The following GAK variants were observed in gnomAD, a reference collection of about 807,000 sequenced individuals.
GAK encodes cyclin-G-associated kinase.
GAK carries 79 observed loss-of-function variants against 143.9 expected under a neutral mutation model. That is an observed-to-expected ratio of 0.55 (90% CI 0.46 to 0.66). The LOEUF (loss-of-function observed/expected upper bound fraction) is 0.66, where lower values mean the gene tolerates loss of function less well. Among genes scored for constraint, GAK ranks in the 30% least tolerant of loss-of-function variants. GAK has a pLI of 0.00. For synonymous variants in GAK, 881 were observed against 765.5 expected, an observed-to-expected ratio of 1.15 and a Z score of -2.49; for missense variants, 1,693 against 1,779.7, an observed-to-expected ratio of 0.95 and a Z score of 0.88.
At chr4:919,849 C>A (rs1723642793) in intron 1 of GAK, among the ~76,000 whole-genome samples, 1 of 152,230 alleles carries the variant, frequency 6.6e-6, no homozygotes, top group African/African-American at 2.4e-5. Flanking sequence ...CTAAGTGGTG[C>A]CTGACCAAAA....
At chr4:915,975 A>G (rs561689884) in intron 1 of GAK, among the ~76,000 whole-genome samples, 1 of 152,344 alleles carries the variant, frequency 6.6e-6, no homozygotes, top group Non-Finnish European at 1.5e-5. Context: ...GAAATCTACT[A>G]AAGAAAAGCT....
chr4:889,612 T>G (rs1478592561), intron 10 of GAK, among the ~76,000 whole-genome samples: 2 of 152,196 alleles, frequency 1.3e-5, no homozygotes, highest in African/African-American at 4.8e-5. Context: ...GGACCCACAC[T>G]GCACGGACCG....
intron 4 of GAK, among the ~76,000 whole-genome samples, chr4:911,118 C>T (rs924799289): frequency 6.6e-6 from 1 of 152,146 alleles, no homozygotes; most frequent in Non-Finnish European, 1.5e-5. Context: ...ACCATGGAGT[C>T]GTTGTGCCAT....
At chr4:859,759 T>C in intron 23 of GAK, 37 bp from the exon 24 acceptor site, 1 of 1,457,064 alleles carries the variant, frequency 6.9e-7, no homozygotes, top group African/African-American at 1.4e-5. Flanking sequence ...ACAAGCACCA[T>C]CTGAAGCGAA....
At position 849,628 on chromosome 4, in the gene GAK, C is replaced by T. The variant is rs1747697018; in HGVS notation, c.*45G>A. 1.3e-6 allele frequency: 2 copies of T among 1,503,408 alleles called. No homozygotes were observed. 93.1% of individuals were successfully genotyped at this position (1,503,408 alleles called of 1,614,324 possible). On this transcript the variant is annotated 3_prime_UTR_variant, in exon 28 of 28. Coordinates refer to ENST00000314167, the MANE Select transcript of GAK (RefSeq NM_005255.4). ...GGTGGGGACCCAGGTCCCACGACGG[C>T]TCCCAACCTGTGGAGCTGTGTGCGC... is the stretch of plus-strand genomic sequence containing the variant.
rs891967216 is a variant in GAK, at chr4:912,915, C to T, written c.208-121G>A. The T allele has an allele frequency of 1.4e-5, 10 of 694,764 alleles. No individual in the cohort carries two copies. In the Admixed American group the frequency reaches 2.6e-4, roughly 18 times the overall value. The allele number at this position is 694,764 out of a possible 1,614,324, so 43.0% of individuals were successfully genotyped here. A position where few individuals can be genotyped will look rare whatever the true frequency, so the allele number is the denominator to read the frequency against. On this transcript the variant is annotated intron_variant, in intron 2 of 27. Transcript: ENST00000314167. ...ATGCAATGTGTCTAATACAGCTCCCCCCGTTTCGTGTGTCTCCACCTCTGA... is the reference window on the plus strand; with the variant it reads ...ATGCAATGTGTCTAATACAGCTCCCTCCGTTTCGTGTGTCTCCACCTCTGA...
At chr4:887,092 C>T (rs536733811) in intron 11 of GAK, 5 of 152,092 alleles carry the variant, frequency 3.3e-5, no homozygotes, top group African/African-American at 1.2e-4. Context: ...CACACAGGCG[C>T]TCGCACAGCA....
At chr4:911,889 T>C (rs141993448) in intron 3 of GAK, 102 bp from the exon 4 acceptor site, 9,582 of 899,630 alleles carry the variant, frequency 0.011, 56 homozygotes, top group Non-Finnish European at 0.014. Context: ...GTCAGAATAC[T>C]TGAATCGAAC....
chr4:926,289 C>T (rs1472318537), intron 1 of GAK, among the ~76,000 whole-genome samples: 1 of 152,192 alleles, frequency 6.6e-6, no homozygotes, highest in Non-Finnish European at 1.5e-5. Flanking sequence ...GGGTCAGCCG[C>T]AGCTGAGCAT....
Position 886,874 on chromosome 4 carries a change from G to T in GAK, c.1205+1973C>A, listed in dbSNP as rs543674210. The T allele has an allele frequency of 3.9e-4, 59 of 152,382 alleles. 1 individual carries two copies. Among genetic ancestry groups the T allele is most frequent in the African/African-American group, 1.2e-3 (48 of 41,560 alleles). 9.4% of individuals were successfully genotyped at this position (152,382 alleles called of 1,614,324 possible). A position where few individuals can be genotyped will look rare whatever the true frequency, so the allele number is the denominator to read the frequency against. On this transcript the variant is annotated intron_variant, in intron 11 of 27. Transcript: ENST00000314167. ...GAGGAGGTGCCCAGAGGTGCGAGTG[G>T]GCTCACGTCCTGCTCTGGGGATATG...
rs1001216149 is a variant in GAK at position 913,524 on chromosome 4, G to C, written c.207+83C>G. ...TAAAAGGAAACAAAGTACGTAACAG[G>C]GACGCATCCCTGAAAAGACTGTCAC... On this transcript the variant is annotated intron_variant, in intron 2 of 27. Coordinates refer to ENST00000314167, the MANE Select transcript of GAK (RefSeq NM_005255.4). The C allele has an allele frequency of 3.8e-6, 4 of 1,040,620 alleles. No homozygotes were observed. The African/African-American group carries it at 4.7e-5, about 12-fold the overall frequency. The allele number at this position is 1,040,620 out of a possible 1,614,324, so 64.5% of individuals were successfully genotyped here. A position where few individuals can be genotyped will look rare whatever the true frequency, so the allele number is the denominator to read the frequency against.
intron 24 of GAK, chr4:859,322 GATGGCCCCC>G: frequency 7.3e-7 from 1 of 1,368,460 alleles, no homozygotes; most frequent in Non-Finnish European, 9.6e-7. Context: ...CCGCCTCCCC[GATGGCCCCC>G]ATGGCCCTGA....
At chr4:872,442 G>T (rs1712862692) in intron 18 of GAK, 1 of 152,446 alleles carries the variant, frequency 6.6e-6, no homozygotes, top group East Asian at 1.9e-4. Flanking sequence ...CACAGCGGTG[G>T]CACAGCTGGC....
intron 10 of GAK, 140 bp downstream of exon 10, chr4:890,392 G>A: frequency 1.7e-6 from 1 of 597,546 alleles, no homozygotes; most frequent in Non-Finnish European, 2.9e-6. Context: ...TGTGCTCAGG[G>A]ACCCTGACCT....
chr4:910,808 C>G (rs900624330), intron 4 of GAK, among the ~76,000 whole-genome samples: 1 of 152,138 alleles, frequency 6.6e-6, no homozygotes, highest in East Asian at 1.9e-4. Flanking sequence ...CAGGCCACAG[C>G]TCTGAGGCCT....
In GAK at chr4:913,507, A is replaced by G. The variant is rs566807728; in HGVS notation, c.207+100T>C. ...CAAGTATGTCCAGGCTGTAAAAGGA[A>G]ACAAAGTACGTAACAGGGACGCATC... On this transcript the variant is annotated intron_variant, in intron 2 of 27. Transcript: ENST00000314167. The G allele has an allele frequency of 4.2e-6, 4 of 944,084 alleles. No homozygotes were observed. In the African/African-American group the frequency reaches 6.5e-5, roughly 15 times the overall value. 58.5% of individuals were successfully genotyped at this position (944,084 alleles called of 1,614,324 possible). A position where few individuals can be genotyped will look rare whatever the true frequency, so the allele number is the denominator to read the frequency against.
intron 18 of GAK, among the ~76,000 whole-genome samples, chr4:876,315 C>A (rs1406636707): frequency 2.0e-5 from 3 of 151,978 alleles, no homozygotes; most frequent in Non-Finnish European, 4.4e-5. Context: ...AACAGACACA[C>A]ACACCAACGG....
intron 4 of GAK, among the ~76,000 whole-genome samples, chr4:906,148 C>T (rs1029060872): frequency 4.6e-5 from 7 of 152,300 alleles, no homozygotes; most frequent in South Asian, 2.1e-4. Context: ...AAGCCATTAA[C>T]GTGAGAACCA....
At chr4:902,090 T>A (rs2152898652) in intron 5 of GAK, among the ~76,000 whole-genome samples, 1 of 151,672 alleles carries the variant, frequency 6.6e-6, no homozygotes, top group African/African-American at 2.4e-5. Context: ...GTACAAAAAT[T>A]AGCCCGGCGT....
Sources: allele counts gnomAD v4.1 joint callset (sites outside exome capture counted in the v4.1 genomes callset), GRCh38; gene constraint gnomAD v4.1.1; transcripts MANE v1.5; gene names NCBI Gene and HGNC (gene_info 2026-07-23, HGNC 2026-07-21).